Variants in RB1 observed in about 807,000 individuals in gnomAD.
RB1 encodes retinoblastoma-associated protein.
RB1 carries 18 observed loss-of-function variants against 135.4 expected under a neutral mutation model. That is an observed-to-expected ratio of 0.13 (90% CI 0.09 to 0.20). The LOEUF is 0.20. RB1 is among the 10% of genes least tolerant of loss of function. RB1 has a pLI of 1.00. For missense variants in RB1, 868 were observed against 1,110.0 expected (o/e 0.78, Z 3.10); for synonymous variants, 365 against 373.2 (o/e 0.98, Z 0.25).
chr13:48,369,352 CT>C (rs1395505906), intron 11 of RB1, among the ~76,000 whole-genome samples: 1 of 152,156 alleles, frequency 6.6e-6, no homozygotes, highest in African/African-American at 2.4e-5. Flanking sequence ...TGTTCTCTTT[CT>C]CTTGGATTTT....
rs1184515071 is a variant in RB1 at position 48,480,852 on chromosome 13, T to C, written c.*781T>C. The C allele has an allele frequency of 8.8e-6, 2 of 227,540 alleles. No individual in the cohort carries two copies. The highest frequency in any genetic ancestry group is 4.4e-5 in the African/African-American group (2 of 45,086). 14.1% of individuals were successfully genotyped at this position (227,540 alleles called of 1,614,324 possible). A position where few individuals can be genotyped will look rare whatever the true frequency, so the allele number is the denominator to read the frequency against. Reference sequence around the variant, plus strand: ...GATAGTACTCTTGGTTTTTATACCATTCAGATCACTGAATTTATAAAGTAC... The same window carrying C: ...GATAGTACTCTTGGTTTTTATACCACTCAGATCACTGAATTTATAAAGTAC... On this transcript the variant is annotated 3_prime_UTR_variant, in exon 27 of 27. Transcript: ENST00000267163.
chr13:48,351,545 T>C (rs181131840), intron 6 of RB1, among the ~76,000 whole-genome samples: 12 of 152,304 alleles, frequency 7.9e-5, no homozygotes, highest in Admixed American at 7.2e-4. Flanking sequence ...GTTCATTTAC[T>C]CTGTTGATTG....
At chr13:48,331,636 A>G (rs1952337517) in intron 2 of RB1, among the ~76,000 whole-genome samples, 1 of 152,228 alleles carries the variant, frequency 6.6e-6, no homozygotes, top group Admixed American at 6.5e-5. Flanking sequence ...CTATTGTTCA[A>G]TGTTAGTGGG....
chr13:48,411,401 TTCATTGTCAAATATC>T (rs774158554), intron 17 of RB1: 5 of 1,611,236 alleles, frequency 3.1e-6, no homozygotes, highest in Non-Finnish European at 3.4e-6. Flanking sequence ...AGGCAGCAGA[TTCATTGTCAAATATC>T]TTACTTTTTA....
intron 26 of RB1, among the ~76,000 whole-genome samples, chr13:48,479,726 A>C (rs1489650098): frequency 6.6e-6 from 1 of 152,118 alleles, no homozygotes; most frequent in Non-Finnish European, 1.5e-5. Context: ...ATACGTGTAC[A>C]CAATGTGTAA....
intron 17 of RB1, among the ~76,000 whole-genome samples, chr13:48,397,275 A>C (rs1460099581): frequency 6.6e-6 from 1 of 152,242 alleles, no homozygotes; most frequent in Non-Finnish European, 1.5e-5. Context: ...CTGGATAAAG[A>C]AAATGTGGCA....
At chr13:48,464,261 ATAG>A (rs2138343472) in intron 21 of RB1, among the ~76,000 whole-genome samples, 1 of 152,350 alleles carries the variant, frequency 6.6e-6, no homozygotes, top group Non-Finnish European at 1.5e-5. Flanking sequence ...CTTTAGAGAA[ATAG>A]TAGTAGTAAA....
intron 2 of RB1, among the ~76,000 whole-genome samples, chr13:48,339,791 T>C (rs971354577): frequency 6.6e-6 from 1 of 152,190 alleles, no homozygotes; most frequent in African/African-American, 2.4e-5. Context: ...GACTGGAGCT[T>C]TTCCTATTCG....
chr13:48,397,260 G>A (rs560043808), intron 17 of RB1, among the ~76,000 whole-genome samples: 2 of 152,224 alleles, frequency 1.3e-5, no homozygotes, highest in South Asian at 2.1e-4. Context: ...CCCATCAGTG[G>A]TAGACTGGAT....
chr13:48,395,353 G>A (rs1469033322), intron 17 of RB1, among the ~76,000 whole-genome samples: 1 of 152,108 alleles, frequency 6.6e-6, no homozygotes, highest in Non-Finnish European at 1.5e-5. Context: ...TCCAAAGAAT[G>A]ACAACTCCTC....
chr13:48,313,745 C>CTTT (rs56131979), intron 2 of RB1, among the ~76,000 whole-genome samples: 3,065 of 101,900 alleles, frequency 0.03, 165 homozygotes, highest in Non-Finnish European at 0.039. Context: ...TATGTTTATT[C>CTTT]TTTTTTTTTT....
rs745647859 is a variant in RB1, at chr13:48,481,173, T to C, written c.*1102T>C. 9.1e-5 allele frequency: 21 copies of C among 231,220 alleles called. No homozygotes were observed. The highest frequency in any genetic ancestry group is 1.7e-4 in the Non-Finnish European group (20 of 116,644). The allele number at this position is 231,220 out of a possible 1,614,324, so 14.3% of individuals were successfully genotyped here. A position where few individuals can be genotyped will look rare whatever the true frequency, so the allele number is the denominator to read the frequency against. On this transcript the variant is annotated 3_prime_UTR_variant, in exon 27 of 27. Transcript: ENST00000267163. ...TTTTGAACTGGCAATTGTCTATTTA[T>C]CTTTTATTTTTTTAAGTCAGTATGG...
chr13:48,460,340 A>T (rs1434023143), intron 20 of RB1, among the ~76,000 whole-genome samples: 1 of 152,160 alleles, frequency 6.6e-6, no homozygotes, highest in Non-Finnish European at 1.5e-5. Flanking sequence ...GACTTAATAT[A>T]TGTTCACTTT....
intron 17 of RB1, among the ~76,000 whole-genome samples, chr13:48,445,606 T>C (rs1949280680): frequency 6.6e-6 from 1 of 152,132 alleles, no homozygotes; most frequent in Admixed American, 6.5e-5. Context: ...AGCGTCCATG[T>C]TACCTTCCCA....
intron 11 of RB1, among the ~76,000 whole-genome samples, chr13:48,370,625 G>A (rs532763481): frequency 6.6e-6 from 1 of 152,196 alleles, no homozygotes; most frequent in South Asian, 2.1e-4. Context: ...ATGAGGTATG[G>A]GGGATGGGAT....
At position 48,303,837 on chromosome 13, in the gene RB1, G is replaced by T. The variant is rs1952050102; in HGVS notation, c.-76G>T. The T allele has an allele frequency of 1.1e-5, 16 of 1,490,568 alleles. No individual in the cohort carries two copies. Among genetic ancestry groups the T allele is most frequent in the Non-Finnish European group, 1.4e-5 (16 of 1,126,818 alleles). The allele number at this position is 1,490,568 out of a possible 1,614,324, so 92.3% of individuals were successfully genotyped here. A position where few individuals can be genotyped will look rare whatever the true frequency, so the allele number is the denominator to read the frequency against. Reference sequence around the variant, plus strand: ...AACGGGAGTCGGGAGAGGACGGGGCGTGCCCCGACGTGCGCGCGCGTCGTC... The same window carrying T: ...AACGGGAGTCGGGAGAGGACGGGGCTTGCCCCGACGTGCGCGCGCGTCGTC... On this transcript the variant is annotated 5_prime_UTR_variant, in exon 1 of 27. Transcript: ENST00000267163.
chr13:48,409,389 C>T (rs1280409013), intron 17 of RB1, among the ~76,000 whole-genome samples: 2 of 151,846 alleles, frequency 1.3e-5, no homozygotes, highest in Admixed American at 1.3e-4. Context: ...CATTACACCT[C>T]AAACCCAGAG....
chr13:48,344,735 C>G (rs1952477012), intron 3 of RB1, among the ~76,000 whole-genome samples: 1 of 151,934 alleles, frequency 6.6e-6, no homozygotes, highest in South Asian at 2.1e-4. Flanking sequence ...AAGGGAAACA[C>G]TAAAATGAAG....
chr13:48,368,495 G>A (rs1280786693), intron 10 of RB1, 32 bp from the exon 11 acceptor site: 2 of 1,611,248 alleles, frequency 1.2e-6, no homozygotes, highest in African/African-American at 1.3e-5. Flanking sequence ...TAAATTTTCA[G>A]TATGTGAATG....
Sources: gnomAD v4.1 joint callset for allele counts (sites outside exome capture counted in the v4.1 genomes callset) on GRCh38, gnomAD v4.1.1 for gene constraint, MANE v1.5 for transcripts, NCBI Gene and HGNC (gene_info 2026-07-23, HGNC 2026-07-21) for gene names.